The following STAM2 variants were observed in gnomAD, a reference collection of about 807,000 sequenced individuals.
The protein encoded by STAM2 is signal transducing adaptor molecule 2.
A neutral mutation model predicts 65.6 loss-of-function variants in STAM2; 51 were observed. That is an observed-to-expected ratio of 0.78 (90% CI 0.62 to 0.98). STAM2 has a LOEUF of 0.98. Among genes scored for constraint, STAM2 ranks in the 50% least tolerant of loss-of-function variants. STAM2 has a pLI of 0.00. For missense variants in STAM2, 584 were observed against 617.8 expected, an observed-to-expected ratio of 0.95 and a Z score of 0.58; for synonymous variants, 198 against 208.4, an observed-to-expected ratio of 0.95 and a Z score of 0.43.
At chr2:152,120,844 AATAT>A (rs1447923191) in intron 13 of STAM2, 42 bp from the exon 14 acceptor site, 1 of 1,489,458 alleles carries the variant, frequency 6.7e-7, no homozygotes, top group Non-Finnish European at 9.4e-7. Flanking sequence ...TTTACTTTGC[AATAT>A]ATAAGGTTAG....
intron 1 of STAM2, among the ~76,000 whole-genome samples, chr2:152,161,182 T>TG (rs1381145777): frequency 6.6e-6 from 1 of 151,868 alleles, no homozygotes; most frequent in Non-Finnish European, 1.5e-5. Flanking sequence ...GGGATCCTGT[T>TG]GATCTGTGAC....
At chr2:152,133,337 A>G in intron 9 of STAM2, 65 bp downstream of exon 9, 1 of 1,537,798 alleles carries the variant, frequency 6.5e-7, no homozygotes, top group Non-Finnish European at 8.9e-7. Context: ...CTTTCCAAGC[A>G]TTCTCAAAGA....
chr2:152,172,381 C>G (rs1462404178), intron 1 of STAM2, among the ~76,000 whole-genome samples: 1 of 152,118 alleles, frequency 6.6e-6, no homozygotes, highest in Non-Finnish European at 1.5e-5. Flanking sequence ...CCTAAGACAT[C>G]TTGACCCATC....
At chr2:152,126,959 G>A (rs1688973782) in intron 11 of STAM2, among the ~76,000 whole-genome samples, 1 of 152,150 alleles carries the variant, frequency 6.6e-6, no homozygotes, top group African/African-American at 2.4e-5. Context: ...TGTTACCTTT[G>A]TAACTTCATT....
chr2:152,120,134 T>G lies in STAM2; in HGVS notation c.*440A>C. On this transcript the variant is annotated 3_prime_UTR_variant, in exon 14 of 14. Transcript: ENST00000263904. Reference sequence around the variant, plus strand: ...ATTTTAGGGGGAAACAGTGGTTTCTTTAAAATAATATTTTAATCCTCCTAT... The same window carrying G: ...ATTTTAGGGGGAAACAGTGGTTTCTGTAAAATAATATTTTAATCCTCCTAT... 6.5e-6 allele frequency: 1 copy of G among 154,730 alleles called. No individual in the cohort carries two copies. Among genetic ancestry groups the G allele is most frequent in the African/African-American group, 2.4e-5 (1 of 41,558 alleles). The allele number at this position is 154,730 out of a possible 1,614,324, so 9.6% of individuals were successfully genotyped here. A position where few individuals can be genotyped will look rare whatever the true frequency, so the allele number is the denominator to read the frequency against.
intron 1 of STAM2, among the ~76,000 whole-genome samples, chr2:152,151,705 C>T (rs1046189812): frequency 6.6e-6 from 1 of 152,154 alleles, no homozygotes; most frequent in African/African-American, 2.4e-5. Flanking sequence ...AACCACTTGT[C>T]TACTTTCTGT....
rs1168684437 is a variant in STAM2, at chr2:152,123,772, T to C, written c.1343A>G (p.Tyr448Cys). 2.5e-6 allele frequency: 4 copies of C among 1,613,312 alleles called. No individual in the cohort carries two copies. The African/African-American group carries it at 5.3e-5, about 22-fold the overall frequency. ...CACAGCTCCCAAAACTTACCTTAAA[T>C]ATGAAGTTTGAGCAGGCTGTGCTGT... ...SVTAQPAQTSYLSTGQDTVSN... is the reference protein window; with the variant it reads ...SVTAQPAQTSCLSTGQDTVSN... The change falls in exon 13 of 14, where the codon TAT becomes TGT. Residue 448 changes from tyrosine to cysteine, a missense_variant. Tyr to Cys is a radical substitution (Grantham distance 194, BLOSUM62 -2). Transcript: ENST00000263904.
intron 1 of STAM2, among the ~76,000 whole-genome samples, chr2:152,167,889 G>C (rs1013094546): frequency 2.6e-5 from 4 of 151,920 alleles, no homozygotes; most frequent in African/African-American, 9.7e-5. Flanking sequence ...CAGCCTGGGC[G>C]ACTGAGTGAG....
chr2:152,126,487 CT>C (rs1258891652), intron 11 of STAM2, 108 bp from the exon 12 acceptor site: 15 of 627,858 alleles, frequency 2.4e-5, no homozygotes, highest in South Asian at 6.5e-5. Flanking sequence ...TATTAAAAGG[CT>C]TTTTTATATT....
intron 1 of STAM2, among the ~76,000 whole-genome samples, chr2:152,169,651 T>C (rs984286082): frequency 3.3e-5 from 5 of 151,968 alleles, no homozygotes; most frequent in African/African-American, 9.7e-5. Context: ...AAGAAACATA[T>C]GAAAAAATGC....
chr2:152,173,576 T>TAC (rs1689945145), intron 1 of STAM2, among the ~76,000 whole-genome samples: 1 of 151,848 alleles, frequency 6.6e-6, no homozygotes, highest in Non-Finnish European at 1.5e-5. Context: ...TTTTGTATTT[T>TAC]GGTAGAAACG....
intron 8 of STAM2, among the ~76,000 whole-genome samples, chr2:152,133,685 A>G (rs1047314238): frequency 6.6e-6 from 1 of 152,186 alleles, no homozygotes; most frequent in African/African-American, 2.4e-5. Context: ...AGTACTCATT[A>G]TGTGCCAGGC....
intron 1 of STAM2, among the ~76,000 whole-genome samples, chr2:152,156,425 T>C (rs953349618): frequency 2.6e-5 from 4 of 152,212 alleles, no homozygotes; most frequent in African/African-American, 7.2e-5. Context: ...ACCATTCTTT[T>C]ATAGCATGTC....
intron 1 of STAM2, among the ~76,000 whole-genome samples, chr2:152,171,113 T>C (rs905440344): frequency 4.6e-5 from 7 of 152,200 alleles, no homozygotes; most frequent in Non-Finnish European, 7.3e-5. Context: ...TATTATACTA[T>C]TAAAGAGAAT....
At chr2:152,167,565 C>T (rs942707490) in intron 1 of STAM2, among the ~76,000 whole-genome samples, 4 of 152,094 alleles carry the variant, frequency 2.6e-5, no homozygotes, top group Admixed American at 1.3e-4. Context: ...ATTTTTATAA[C>T]AGGAAAAAGA....
intron 5 of STAM2, 59 bp downstream of exon 5, chr2:152,147,103 T>C: frequency 6.8e-7 from 1 of 1,467,528 alleles, no homozygotes; most frequent in Non-Finnish European, 9.0e-7. Flanking sequence ...AGTCTTTACA[T>C]AACATACATA....
chr2:152,145,433 A>C (rs1689320529), intron 5 of STAM2, among the ~76,000 whole-genome samples: 2 of 152,178 alleles, frequency 1.3e-5, no homozygotes, highest in South Asian at 4.1e-4. Context: ...AAAACATCAG[A>C]TTTTTCAAGA....
At chr2:152,173,363 CATATATAT>C (rs1290551717) in intron 1 of STAM2, among the ~76,000 whole-genome samples, 54 of 146,310 alleles carry the variant, frequency 3.7e-4, no homozygotes, top group Middle Eastern at 3.6e-3. Flanking sequence ...TATATACACA[CATATATAT>C]ACATATATAT....
intron 4 of STAM2, among the ~76,000 whole-genome samples, chr2:152,147,624 G>A (rs1029366340): frequency 3.3e-5 from 5 of 152,114 alleles, no homozygotes; most frequent in African/African-American, 1.2e-4. Context: ...GTAAATCATG[G>A]CTATTCCAGT....
Sources: allele counts gnomAD v4.1 joint callset (sites outside exome capture counted in the v4.1 genomes callset), GRCh38; gene constraint gnomAD v4.1.1; transcripts MANE v1.5; gene names NCBI Gene and HGNC (gene_info 2026-07-23, HGNC 2026-07-21).